Variants in F13A1 observed in about 807,000 individuals in gnomAD.
The protein encoded by F13A1 is FSF, A subunit.
F13A1 carries 47 observed loss-of-function variants against 80.1 expected under a neutral mutation model. The ratio of observed to expected loss-of-function variants is 0.59; its 90% CI spans 0.46 to 0.75. The LOEUF is 0.75. Ranked by LOEUF, F13A1 falls within the 30% of genes least tolerant of loss-of-function variation. F13A1 has a pLI of 0.00. For missense variants in F13A1, 817 were observed against 930.4 expected (o/e 0.88, Z 1.59); for synonymous variants, 349 against 344.9 (o/e 1.01, Z -0.13).
chr6:6,247,886 C>T (rs565927609), intron 6 of F13A1, among the ~76,000 whole-genome samples: 1 of 152,322 alleles, frequency 6.6e-6, no homozygotes, highest in East Asian at 1.9e-4. Flanking sequence ...TGAGATGTAG[C>T]CATTCATTTC....
chr6:6,268,738 G>T (rs1476159207), intron 3 of F13A1, among the ~76,000 whole-genome samples: 3 of 150,736 alleles, frequency 2.0e-5, no homozygotes, highest in Admixed American at 6.6e-5. Flanking sequence ...ACCCAGGCTG[G>T]AGTGCAGTGG....
chr6:6,224,351 T>G (rs1757244571), intron 7 of F13A1, among the ~76,000 whole-genome samples: 1 of 150,942 alleles, frequency 6.6e-6, no homozygotes, highest in African/African-American at 2.4e-5. Context: ...TAGTTTTAAC[T>G]GTTTTAGTTT....
chr6:6,291,335 T>A (rs1401848745), intron 3 of F13A1, among the ~76,000 whole-genome samples: 1 of 152,124 alleles, frequency 6.6e-6, no homozygotes, highest in Non-Finnish European at 1.5e-5. Flanking sequence ...CTCTGCCTGC[T>A]ACATGTTCCA....
intron 13 of F13A1, among the ~76,000 whole-genome samples, chr6:6,165,993 C>T (rs530333689): frequency 2.0e-5 from 3 of 152,356 alleles, no homozygotes; most frequent in East Asian, 1.9e-4. Context: ...ATTACATGCC[C>T]GTGAGTTTGG....
intron 9 of F13A1, 56 bp downstream of exon 9, chr6:6,197,167 A>G: frequency 6.4e-7 from 1 of 1,557,086 alleles, no homozygotes; most frequent in Non-Finnish European, 8.9e-7. Flanking sequence ...GCAAGCATAA[A>G]AGCAAAACAA....
intron 6 of F13A1, among the ~76,000 whole-genome samples, chr6:6,231,936 C>A (rs564240255): frequency 3.9e-5 from 6 of 152,142 alleles, no homozygotes; most frequent in Non-Finnish European, 8.8e-5. Context: ...AGCTCTAAAT[C>A]TTGAAGCAAA....
chr6:6,276,366 C>T (rs72817047), intron 3 of F13A1, among the ~76,000 whole-genome samples: 6,119 of 152,278 alleles, frequency 0.04, 166 homozygotes, highest in Admixed American at 0.08. Flanking sequence ...CTGATGGGAC[C>T]TCCTCCTCCA....
In F13A1 at chr6:6,249,830, G is replaced by T. The variant is rs1488379212; in HGVS notation, c.690+981C>A. Among the ~76,000 whole-genome samples, 3 of 152,196 alleles carry T rather than the reference G, an allele frequency of 2.0e-5. No homozygotes were observed. The East Asian group carries it at 5.8e-4, about 29-fold the overall frequency. On this transcript the variant is annotated intron_variant, in intron 5 of 14. Coordinates refer to ENST00000264870, the MANE Select transcript of F13A1 (RefSeq NM_000129.4). Reference sequence around the variant, plus strand: ...TCAGGCAGGAATCCAAGAACAGGGGGTGCCAACTAGCTTGTAGCTTGGCAG... The same window carrying T: ...TCAGGCAGGAATCCAAGAACAGGGGTTGCCAACTAGCTTGTAGCTTGGCAG...
At chr6:6,216,203 G>A (rs1389389760) in intron 8 of F13A1, among the ~76,000 whole-genome samples, 1 of 152,108 alleles carries the variant, frequency 6.6e-6, no homozygotes, top group Non-Finnish European at 1.5e-5. Context: ...AACCAAAAGA[G>A]AGCCTGCATC....
intron 3 of F13A1, among the ~76,000 whole-genome samples, chr6:6,286,284 G>A (rs1758138909): frequency 6.6e-6 from 1 of 152,222 alleles, no homozygotes. Context: ...TACTGGAGAG[G>A]CTGAGGCAGG....
At chr6:6,151,974 A>G in intron 13 of F13A1, 25 bp from the exon 14 acceptor site, 1 of 1,613,652 alleles carries the variant, frequency 6.2e-7, no homozygotes, top group Non-Finnish European at 8.5e-7. Context: ...GCAGGTCATT[A>G]GCACCAAATA....
chr6:6,216,172 A>G (rs1416327939), intron 8 of F13A1, among the ~76,000 whole-genome samples: 2 of 152,110 alleles, frequency 1.3e-5, no homozygotes, highest in Non-Finnish European at 2.9e-5. Flanking sequence ...ATTGGAAAAA[A>G]CTACCTGAAA....
intron 10 of F13A1, among the ~76,000 whole-genome samples, chr6:6,190,208 CCTT>C (rs1264837320): frequency 1.3e-5 from 2 of 152,136 alleles, no homozygotes; most frequent in African/African-American, 2.4e-5. Context: ...TCGTCTGAAG[CCTT>C]CTTCTCTCAG....
At position 6,145,784 on chromosome 6, in the gene F13A1, G is replaced by A. The variant is rs1419958770; in HGVS notation, c.2046-12C>T. The A allele has an allele frequency of 5.6e-6, 9 of 1,613,870 alleles. No individual in the cohort carries two copies. In the East Asian group the frequency reaches 2.0e-4, roughly 36 times the overall value. ...TGGGCCGGATTTCACTGAAAGGATG[G>A]AAAAGAGAGGAGAGGTTGGAAGATC... is the stretch of plus-strand genomic sequence containing the variant. On this transcript the variant is annotated splice_polypyrimidine_tract_variant and intron_variant, in intron 14 of 14. Coordinates refer to ENST00000264870, the MANE Select transcript of F13A1 (RefSeq NM_000129.4).
chr6:6,289,627 C>G (rs1758195361), intron 3 of F13A1, among the ~76,000 whole-genome samples: 1 of 151,992 alleles, frequency 6.6e-6, no homozygotes, highest in African/African-American at 2.4e-5. Flanking sequence ...AATCTCGGTC[C>G]TCCAATTTAT....
intron 13 of F13A1, among the ~76,000 whole-genome samples, chr6:6,165,994 G>A (rs560880757): frequency 5.9e-5 from 9 of 152,396 alleles, no homozygotes; most frequent in East Asian, 3.9e-4. Flanking sequence ...TTACATGCCC[G>A]TGAGTTTGGG....
Position 6,248,412 on chromosome 6 carries a change from T to C in F13A1, c.698A>G (p.Asp233Gly). The C allele has an allele frequency of 2.5e-6, 4 of 1,613,350 alleles. No individual in the cohort carries two copies. The highest frequency in any genetic ancestry group is 3.4e-6 in the Non-Finnish European group (4 of 1,179,550). ...ATACAGGCAAGTGTCCAGGATGCCA[T>C]CTTCAAACTATTTGGAGAAAGAAAA... The part of the protein sequence containing the change: ...TRSWSYGQFE[D>G]GILDTCLYVM... The change falls in exon 6 of 15, where the codon GAT becomes GGT. Residue 233 changes from aspartate to glycine, a missense_variant. Physicochemically the swap from Asp to Gly is moderately conservative, Grantham distance 94 (BLOSUM62 -1). Coordinates refer to ENST00000264870, the MANE Select transcript of F13A1 (RefSeq NM_000129.4).
At chr6:6,294,494 C>G (rs1365708168) in intron 3 of F13A1, among the ~76,000 whole-genome samples, 2 of 151,754 alleles carry the variant, frequency 1.3e-5, no homozygotes, top group Admixed American at 6.6e-5. Flanking sequence ...CTTAAATAAA[C>G]TCCCCTTTAT....
intron 1 of F13A1, among the ~76,000 whole-genome samples, chr6:6,320,152 G>T (rs1758753788): frequency 6.6e-6 from 1 of 151,980 alleles, no homozygotes. Flanking sequence ...TGGGACGGAG[G>T]CAGGCGATGC....
Sources: allele counts gnomAD v4.1 joint callset (sites outside exome capture counted in the v4.1 genomes callset), GRCh38; gene constraint gnomAD v4.1.1; transcripts MANE v1.5; gene names NCBI Gene and HGNC (gene_info 2026-07-23, HGNC 2026-07-21).